The following RBFOX1 variants were observed in gnomAD, a reference collection of about 807,000 sequenced individuals.
RBFOX1 encodes the protein RNA binding protein fox-1 homolog 1.
RBFOX1 carries 8 observed loss-of-function variants against 57.7 expected under a neutral mutation model. That is an observed-to-expected ratio of 0.14 (90% confidence interval 0.08 to 0.25). The LOEUF (loss-of-function observed/expected upper bound fraction) is 0.25, where lower values mean the gene tolerates loss of function less well. RBFOX1 is among the 10% of genes least tolerant of loss of function. The pLI, the probability that RBFOX1 is intolerant of heterozygous loss-of-function variation, is 1.00. For missense variants in RBFOX1, 611 were observed against 548.5 expected, an observed-to-expected ratio of 1.11 and a Z score of -1.14; for synonymous variants, 326 against 222.4, an observed-to-expected ratio of 1.47 and a Z score of -4.15.
At chr16:6,871,962 T>TGTGTGTGTGTG (rs2060982913) in intron 3 of RBFOX1, among the ~76,000 whole-genome samples, 5 of 144,602 alleles carry the variant, frequency 3.5e-5, no homozygotes, top group African/African-American at 1.0e-4. Flanking sequence ...TGTGTGTGTG[T>TGTGTGTGTGTG]TTCCCTCGGT....
At position 7,262,699 on chromosome 16, in the gene RBFOX1, G is replaced by A. The variant is rs565675365; in HGVS notation, c.27+210601G>A. 3.9e-4 allele frequency among the ~76,000 whole-genome samples: 60 copies of A among 152,388 alleles called. 1 individual carries two copies. The highest frequency in any genetic ancestry group is 3.4e-3 in the Middle Eastern group (1 of 294). On this transcript the variant is annotated intron_variant, in intron 4 of 15. Transcript: ENST00000550418. Reference sequence around the variant, plus strand: ...GGCGTGGAGGTGTCCTGAATAATCAGCAGGTGTCTTGGTTATCACCAAGGA... The same window carrying A: ...GGCGTGGAGGTGTCCTGAATAATCAACAGGTGTCTTGGTTATCACCAAGGA...
intron 4 of RBFOX1, among the ~76,000 whole-genome samples, chr16:7,309,502 C>T (rs776974664): frequency 6.6e-6 from 1 of 152,212 alleles, no homozygotes; most frequent in Non-Finnish European, 1.5e-5. Context: ...ATGCAACTGG[C>T]CGCTCCTGCC....
chr16:5,366,875 G>C (rs752735611), intron 1 of RBFOX1, among the ~76,000 whole-genome samples: 1 of 152,192 alleles, frequency 6.6e-6, no homozygotes, highest in Non-Finnish European at 1.5e-5. Context: ...TAAAGATGGA[G>C]CTTCACCCTT....
chr16:5,805,113 G>A (rs976177425), intron 3 of RBFOX1, among the ~76,000 whole-genome samples: 1 of 152,086 alleles, frequency 6.6e-6, no homozygotes, highest in African/African-American at 2.4e-5. Context: ...AAGCTGGGAA[G>A]GGGGCAGTTT....
At chr16:7,079,635 A>T (rs568108815) in intron 4 of RBFOX1, among the ~76,000 whole-genome samples, 1 of 152,300 alleles carries the variant, frequency 6.6e-6, no homozygotes, top group South Asian at 2.1e-4. Flanking sequence ...CTTTTGCGTT[A>T]TGATGGAGAG....
At chr16:6,946,253 C>G (rs995438548) in intron 3 of RBFOX1, among the ~76,000 whole-genome samples, 1 of 152,206 alleles carries the variant, frequency 6.6e-6, no homozygotes, top group Non-Finnish European at 1.5e-5. Context: ...CCACTACATC[C>G]TTGTAGTACA....
At chr16:6,299,156 T>C (rs563614831) in intron 1 of RBFOX1, among the ~76,000 whole-genome samples, 2 of 152,226 alleles carry the variant, frequency 1.3e-5, no homozygotes, top group Non-Finnish European at 2.9e-5. Flanking sequence ...AGGGGCAGGC[T>C]GAATACTAGC....
At chr16:6,941,930 C>G (rs1057356683) in intron 3 of RBFOX1, among the ~76,000 whole-genome samples, 2 of 152,126 alleles carry the variant, frequency 1.3e-5, no homozygotes, top group Non-Finnish European at 2.9e-5. Flanking sequence ...GCTTCAGTCT[C>G]CCAAGTAGCT....
At chr16:7,467,683 C>T (rs937286164) in intron 4 of RBFOX1, among the ~76,000 whole-genome samples, 5 of 152,194 alleles carry the variant, frequency 3.3e-5, no homozygotes, top group South Asian at 2.1e-4. Flanking sequence ...TGTATACCTA[C>T]AGAAAAGTGG....
intron 4 of RBFOX1, among the ~76,000 whole-genome samples, chr16:7,419,554 G>A (rs1406190308): frequency 6.6e-6 from 1 of 152,240 alleles, no homozygotes; most frequent in East Asian, 1.9e-4. Flanking sequence ...CATGGCAAAT[G>A]TTGCGGCATA....
chr16:6,501,926 G>T (rs1328950891), intron 2 of RBFOX1, among the ~76,000 whole-genome samples: 1 of 152,182 alleles, frequency 6.6e-6, no homozygotes, highest in Non-Finnish European at 1.5e-5. Flanking sequence ...CCTTGCAAGT[G>T]CTGAGGAGAT....
At chr16:6,691,659 T>G (rs1481066980) in intron 3 of RBFOX1, among the ~76,000 whole-genome samples, 1 of 152,190 alleles carries the variant, frequency 6.6e-6, no homozygotes, top group Non-Finnish European at 1.5e-5. Context: ...AAAATGACCA[T>G]GGCAGGTAGG....
chr16:7,405,100 C>T (rs1193332442), intron 4 of RBFOX1, among the ~76,000 whole-genome samples: 1 of 152,194 alleles, frequency 6.6e-6, no homozygotes, highest in Non-Finnish European at 1.5e-5. Flanking sequence ...CAGGGTGATT[C>T]TTGAGAGCTT....
chr16:7,359,564 C>T (rs1032054912), intron 4 of RBFOX1, among the ~76,000 whole-genome samples: 7 of 152,184 alleles, frequency 4.6e-5, no homozygotes, highest in African/African-American at 1.4e-4. Context: ...CTGAAGTACC[C>T]ATCCTTGTGT....
intron 3 of RBFOX1, among the ~76,000 whole-genome samples, chr16:5,856,007 A>T (rs12927403): frequency 1.9e-4 from 24 of 128,766 alleles, no homozygotes; most frequent in Non-Finnish European, 3.6e-4. Context: ...GCTATCGTCA[A>T]TAAGATTACT....
chr16:6,533,713 T>G (rs998983305), intron 2 of RBFOX1, among the ~76,000 whole-genome samples: 3 of 152,122 alleles, frequency 2.0e-5, no homozygotes, highest in African/African-American at 7.2e-5. Context: ...TTTTCCATCG[T>G]AGACACAAAT....
intron 4 of RBFOX1, among the ~76,000 whole-genome samples, chr16:7,055,842 G>C (rs1208879467): frequency 2.6e-5 from 4 of 152,138 alleles, no homozygotes; most frequent in African/African-American, 9.7e-5. Context: ...CTGTTTGTCA[G>C]GGTGCTGGTT....
chr16:6,060,122 GTTTTTTTTTTTTTTTTTT>G (rs199690584), intron 1 of RBFOX1, among the ~76,000 whole-genome samples: 1,533 of 114,202 alleles, frequency 0.013, 49 homozygotes, highest in Non-Finnish European at 0.018. Flanking sequence ...TAGGATTAGG[GTTTTTTTTTTTTTTTTTT>G]TTTTTTTTTT....
At chr16:6,530,359 G>T (rs1227938815) in intron 2 of RBFOX1, among the ~76,000 whole-genome samples, 1 of 152,180 alleles carries the variant, frequency 6.6e-6, no homozygotes, top group African/African-American at 2.4e-5. Context: ...AGAAACAGCT[G>T]AGCTTGAGCC....
Sources: gnomAD v4.1 joint callset for allele counts (sites outside exome capture counted in the v4.1 genomes callset) on GRCh38, gnomAD v4.1.1 for gene constraint, MANE v1.5 for transcripts, NCBI Gene and HGNC (gene_info 2026-07-23, HGNC 2026-07-21) for gene names.